Variants in HDAC10 observed in about 807,000 individuals in gnomAD.
HDAC10 encodes histone deacetylase 10.
Under a neutral mutation model 82.3 loss-of-function variants are expected in HDAC10, and 90 were observed. The observed-to-expected ratio is 1.09, with a 90% CI of 0.92 to 1.30. The LOEUF is 1.30. Ranked by LOEUF, HDAC10 falls within the 50% of genes most tolerant of loss-of-function variation. The probability of loss-of-function intolerance (pLI) is 0.00; values close to 1 mark genes in which losing one functional copy is unlikely to be tolerated. For synonymous variants in HDAC10, 456 were observed against 391.7 expected (o/e 1.16, Z -1.94); for missense variants, 934 against 876.3 (o/e 1.07, Z -0.83).
rs981097705 is a variant in HDAC10 at position 50,245,950 on chromosome 22, C to G, written c.1793G>C (p.Arg598Pro). ...PHAALLAAMLRGLAGGRVLAL... is the reference protein window; with the variant it reads ...PHAALLAAMLPGLAGGRVLAL... ...CAGGACTCGGCCCCCTGCCAGCCCCCGAAGCATTGCAGCCAGGAGTGCAGC... is the reference window on the plus strand; with the variant it reads ...CAGGACTCGGCCCCCTGCCAGCCCCGGAAGCATTGCAGCCAGGAGTGCAGC... The change falls in exon 18 of 20, where the codon CGG (arginine) becomes CCG (proline). Residue 598 changes from arginine to proline, a missense_variant. Transcript: ENST00000216271. 6.2e-7 allele frequency: 1 copy of G among 1,600,294 alleles called. No individual in the cohort carries two copies. Among genetic ancestry groups the G allele is most frequent in the Non-Finnish European group, 8.5e-7 (1 of 1,174,438 alleles).
chr22:50,247,200 G>A (rs537976124), intron 14 of HDAC10: 43 of 432,908 alleles, frequency 9.9e-5, no homozygotes, highest in Non-Finnish European at 1.6e-4. Flanking sequence ...GTGCAGTGGC[G>A]CAATTGTAGC....
In HDAC10 at chr22:50,250,475, C is replaced by T. The variant is rs2065061228; in HGVS notation, c.243G>A (p.Glu81=). ...LVRETQVLGK[E]ELQALSGQFD... ...ACTGTCCGGACAGCGCCTGCAGCTC[C>T]TCCTTGCCTAGGACCTGGGTCTCCC... Residue 81 remains glutamate, a synonymous_variant, in exon 3 of 20, where the codon GAG becomes GAA. Transcript: ENST00000216271. 6.2e-7 allele frequency: 1 copy of T among 1,612,970 alleles called. No homozygotes were observed. The highest frequency in any genetic ancestry group is 8.5e-7 in the Non-Finnish European group (1 of 1,179,980).
Position 50,249,393 on chromosome 22 carries a change from ACT to A in HDAC10, c.623_624del (p.Glu208ValfsTer29). On this transcript the variant is annotated frameshift_variant, in exon 7 of 20. Transcript: ENST00000216271. LOFTEE classifies it high-confidence loss of function. This position sits in a 1 kb window ranked among gnomAD's most constrained non-coding sequence, Gnocchi z 4.4. ...EHGRFWPFLR[E>X]SDADAVGRGQ... is the part of the protein sequence containing the mutation. ...CCCCGCCCCACTGCGTCTGCATCTG[ACT>A]CTCGCAGGAAAGGCCAGAAGCGCCC... The A allele has an allele frequency of 1.2e-6, 2 of 1,612,516 alleles. No individual in the cohort carries two copies. The highest frequency in any genetic ancestry group is 1.7e-6 in the Non-Finnish European group (2 of 1,179,912).
At position 50,249,715 on chromosome 22, in the gene HDAC10, C is replaced by T; in HGVS notation, c.495-12G>A. 1 of 1,612,742 alleles carries T rather than the reference C, an allele frequency of 6.2e-7. No homozygotes were observed. Among genetic ancestry groups the T allele is most frequent in the Non-Finnish European group, 8.5e-7 (1 of 1,179,928 alleles). On this transcript the variant is annotated splice_polypyrimidine_tract_variant and intron_variant, in intron 5 of 19. Coordinates refer to ENST00000216271, the MANE Select transcript of HDAC10 (RefSeq NM_032019.6). This position sits in a 1 kb window ranked among gnomAD's most constrained non-coding sequence, Gnocchi z 4.4. ...CCACGACGAGGATCCTGGGTACAGA[C>T]AGCGCTGGTGGCAAAGGGGCAGGGC...
chr22:50,251,132 C>T lies in HDAC10; in HGVS notation c.-100G>A, dbSNP rs2065082346. 1 of 1,324,508 alleles carries T rather than the reference C, an allele frequency of 7.5e-7. No individual in the cohort carries two copies. The highest frequency in any genetic ancestry group is 1.0e-6 in the Non-Finnish European group (1 of 957,326). The allele number at this position is 1,324,508 out of a possible 1,614,324, so 82.0% of individuals were successfully genotyped here. On this transcript the variant is annotated 5_prime_UTR_variant, in exon 1 of 20. Transcript: ENST00000216271. ...GCCGGGAGCAGCCGGAGGCCTGGGA[C>T]CTGCCTGGGGCGCAGGCGGGCGGCG... is the stretch of plus-strand genomic sequence containing the variant.
At position 50,245,375 on chromosome 22, in the gene HDAC10, G is replaced by A; in HGVS notation, c.*132C>T. On this transcript the variant is annotated 3_prime_UTR_variant, in exon 20 of 20. Coordinates refer to ENST00000216271, the MANE Select transcript of HDAC10 (RefSeq NM_032019.6). ...GCACGGGTGGGAGAGGGCGGGGCGCGGGGATTGGGAGTGGGCGGGGTTCCG... is the reference window on the plus strand; with the variant it reads ...GCACGGGTGGGAGAGGGCGGGGCGCAGGGATTGGGAGTGGGCGGGGTTCCG... The A allele has an allele frequency of 3.0e-6, 2 of 677,386 alleles. No individual in the cohort carries two copies. Among genetic ancestry groups the A allele is most frequent in the Non-Finnish European group, 5.4e-6 (2 of 369,506 alleles). The allele number at this position is 677,386 out of a possible 1,614,324, so 42.0% of individuals were successfully genotyped here. A position where few individuals can be genotyped will look rare whatever the true frequency, so the allele number is the denominator to read the frequency against.
chr22:50,250,727 C>T (rs772005321), intron 2 of HDAC10, 44 bp downstream of exon 2: 1 of 1,514,694 alleles, frequency 6.6e-7, no homozygotes, highest in Non-Finnish European at 8.9e-7. Flanking sequence ...TCTAGCTGGG[C>T]TGCCCGCCCC....
rs201027749 is a variant in HDAC10 at position 50,245,960 on chromosome 22, C to T, written c.1783G>A (p.Ala595Thr). 283 of 1,605,326 alleles carry T rather than the reference C, an allele frequency of 1.8e-4. No individual in the cohort carries two copies. The highest frequency in any genetic ancestry group is 3.3e-4 in the Middle Eastern group (2 of 6,068). The change falls in exon 18 of 20, where the codon GCA becomes ACA. Residue 595 changes from alanine to threonine, a missense_variant. Physicochemically the swap from Ala to Thr is moderately conservative, Grantham distance 58. Transcript: ENST00000216271. Reference sequence around the variant, plus strand: ...CCCCCTGCCAGCCCCCGAAGCATTGCAGCCAGGAGTGCAGCGTGGGGGCCC... The same window carrying T: ...CCCCCTGCCAGCCCCCGAAGCATTGTAGCCAGGAGTGCAGCGTGGGGGCCC... ...LQGPHAALLA[A>T]MLRGLAGGRV...
In HDAC10 at chr22:50,249,759, C is replaced by T. The variant is rs377702880; in HGVS notation, c.495-56G>A. ...GCAGGGCCTCCCACCTCCAGGAGCC[C>T]GGCCAGGGATGGGAAGGTGCTGGCT... is the stretch of plus-strand genomic sequence containing the variant. On this transcript the variant is annotated intron_variant, in intron 5 of 19. Transcript: ENST00000216271. This position sits in a 1 kb window ranked among gnomAD's most constrained non-coding sequence, Gnocchi z 4.4. 3.3e-5 allele frequency: 53 copies of T among 1,608,588 alleles called. No individual in the cohort carries two copies. Among genetic ancestry groups the T allele is most frequent in the African/African-American group, 1.6e-4 (12 of 74,802 alleles).
In HDAC10 at chr22:50,248,729, T is replaced by C. The variant is rs567046837; in HGVS notation, c.839A>G (p.Glu280Gly). Residue 280 changes from glutamate (E) to glycine (G), a missense_variant, in exon 10 of 20, where the codon GAG becomes GGG. Transcript: ENST00000216271. This position sits in a 1 kb window ranked among gnomAD's most constrained non-coding sequence, Gnocchi z 5.4. ...CAGCTGTGTGAGGTGGGCGAAGCAC[T>C]CTGGCGTGGCCTGCATTTGCCCCTG... Reference protein sequence around the residue: ...DPEGQMQATPECFAHLTQLLQ... With the variant: ...DPEGQMQATPGCFAHLTQLLQ... 4.4e-6 allele frequency: 7 copies of C among 1,573,624 alleles called. No individual in the cohort carries two copies. The highest frequency in any genetic ancestry group is 6.0e-6 in the Non-Finnish European group (7 of 1,159,078).
rs201400976 is a variant in HDAC10 at position 50,250,176 on chromosome 22, C to T, written c.292-16G>A. On this transcript the variant is annotated splice_polypyrimidine_tract_variant and intron_variant, in intron 3 of 19. Coordinates refer to ENST00000216271, the MANE Select transcript of HDAC10 (RefSeq NM_032019.6). ...GAAAGGTACTCTGTGGGCGCAGGGG[C>T]GCAGATGAGCCCCCTGCCTTCCCTG... is the stretch of plus-strand genomic sequence containing the variant. 3.0e-5 allele frequency: 48 copies of T among 1,604,056 alleles called. 1 individual carries two copies. Among genetic ancestry groups the T allele is most frequent in the Middle Eastern group, 1.7e-4 (1 of 6,018 alleles).
rs986223988 is a variant in HDAC10, at chr22:50,245,419, G to GC, written c.*87dup. ...GGTTCCGTGCCCCAGAGTCGAGGGAGCCGTGGGCTTGGGGTCCGGATCGCG... is the reference window on the plus strand; with the variant it reads ...GGTTCCGTGCCCCAGAGTCGAGGGAGCCCGTGGGCTTGGGGTCCGGATCGCG... On this transcript the variant is annotated 3_prime_UTR_variant, in exon 20 of 20. Coordinates refer to ENST00000216271, the MANE Select transcript of HDAC10 (RefSeq NM_032019.6). 1 of 715,400 alleles carries GC rather than the reference G, an allele frequency of 1.4e-6. No individual in the cohort carries two copies. The highest frequency in any genetic ancestry group is 1.7e-5 in the African/African-American group (1 of 57,422). The allele number at this position is 715,400 out of a possible 1,614,324, so 44.3% of individuals were successfully genotyped here.
In HDAC10 at chr22:50,248,288, G is replaced by A. The variant is rs765754391; in HGVS notation, c.1018C>T (p.Leu340=). ...GCACGGGCACTCTGGATGGACTCTA[G>A]GGCACTGTGAGGGAGACACAACAGT... ...SGPMAPCQSA[L]ESIQSARAAQ... Residue 340 remains leucine (L), a synonymous_variant, in exon 12 of 20, where the codon CTA becomes TTA. Transcript: ENST00000216271. The surrounding 1 kb of genome is among the most constrained non-coding windows in gnomAD (Gnocchi z 5.4). 2 of 1,612,480 alleles carry A rather than the reference G, an allele frequency of 1.2e-6. No individual in the cohort carries two copies. The highest frequency in any genetic ancestry group is 1.7e-6 in the Non-Finnish European group (2 of 1,179,906).
chr22:50,246,985 G>A lies in HDAC10; in HGVS notation c.1423-19C>T, dbSNP rs775331758. On this transcript the variant is annotated intron_variant, in intron 14 of 19. Coordinates refer to ENST00000216271, the MANE Select transcript of HDAC10 (RefSeq NM_032019.6). ...TGTTCACCTGTGGGATGAATAAACAGTGGAGAATGAGGCACCAACCAACTC... is the reference window on the plus strand; with the variant it reads ...TGTTCACCTGTGGGATGAATAAACAATGGAGAATGAGGCACCAACCAACTC... 8 of 1,545,308 alleles carry A rather than the reference G, an allele frequency of 5.2e-6. No homozygotes were observed. The Middle Eastern group carries it at 1.2e-3, about 232-fold the overall frequency.
rs765763378 is a variant in HDAC10 at position 50,248,880 on chromosome 22, T to C, written c.767A>G (p.Glu256Gly). 5.0e-6 allele frequency: 8 copies of C among 1,611,408 alleles called. No individual in the cohort carries two copies. In the Admixed American group the frequency reaches 1.2e-4, roughly 24 times the overall value. The part of the protein sequence containing the change: ...LLPLAFEFDP[E>G]LVLVSAGFDS... ...AAATCCTGCCGAGACCAGCACCAGCTCAGGGTCAAACTACAGGCCAGGCCG... is the reference window on the plus strand; with the variant it reads ...AAATCCTGCCGAGACCAGCACCAGCCCAGGGTCAAACTACAGGCCAGGCCG... Residue 256 changes from glutamate to glycine, a missense_variant, in exon 9 of 20, where the codon GAG (glutamate) becomes GGG (glycine). Physicochemically the swap from Glu to Gly is moderately conservative, Grantham distance 98. Transcript: ENST00000216271. The surrounding 1 kb of genome is among the most constrained non-coding windows in gnomAD (Gnocchi z 5.4).
rs1204234622 is a variant in HDAC10, at chr22:50,245,908, A to T, written c.1833+2T>A. ...GCAGCACCTCCACCCTGCCCAGCTT[A>T]CCTCCTCCAGGAGGGCCAGGACTCG... On this transcript the variant is annotated splice_donor_variant, in intron 18 of 19. Transcript: ENST00000216271. LOFTEE classifies it high-confidence loss of function. 1.9e-6 allele frequency: 3 copies of T among 1,570,890 alleles called. No homozygotes were observed. Among genetic ancestry groups the T allele is most frequent in the Non-Finnish European group, 2.6e-6 (3 of 1,158,630 alleles).
At position 50,249,265 on chromosome 22, in the gene HDAC10, G is replaced by A; in HGVS notation, c.690+63C>T. The A allele has an allele frequency of 2.1e-6, 3 of 1,458,738 alleles. No individual in the cohort carries two copies. The highest frequency in any genetic ancestry group is 2.8e-6 in the Non-Finnish European group (3 of 1,077,834). The allele number at this position is 1,458,738 out of a possible 1,614,324, so 90.4% of individuals were successfully genotyped here. A position where few individuals can be genotyped will look rare whatever the true frequency, so the allele number is the denominator to read the frequency against. On this transcript the variant is annotated intron_variant, in intron 7 of 19. Coordinates refer to ENST00000216271, the MANE Select transcript of HDAC10 (RefSeq NM_032019.6). This position sits in a 1 kb window ranked among gnomAD's most constrained non-coding sequence, Gnocchi z 4.4. ...GACCTGGGGCTTGAGGGTGAACTGT[G>A]GGGGAGGGGAGGGGCCCAGGGGGAG...
At position 50,248,525 on chromosome 22, in the gene HDAC10, G is replaced by A; in HGVS notation, c.907-53C>T. 1.3e-6 allele frequency: 2 copies of A among 1,542,172 alleles called. No individual in the cohort carries two copies. Among genetic ancestry groups the A allele is most frequent in the Non-Finnish European group, 1.8e-6 (2 of 1,139,666 alleles). ...GGCAGAGATATCACTGGGATGGGAT[G>A]TCACCGGGAGAGCCCCTGCCTGGCT... On this transcript the variant is annotated intron_variant, in intron 10 of 19. Coordinates refer to ENST00000216271, the MANE Select transcript of HDAC10 (RefSeq NM_032019.6). This position sits in a 1 kb window ranked among gnomAD's most constrained non-coding sequence, Gnocchi z 5.4.
At position 50,245,430 on chromosome 22, in the gene HDAC10, G is replaced by A. The variant is rs1470054948; in HGVS notation, c.*77C>T. The A allele has an allele frequency of 2.8e-6, 2 of 722,996 alleles. No individual in the cohort carries two copies. Among genetic ancestry groups the A allele is most frequent in the East Asian group, 2.6e-5 (1 of 38,156 alleles). The allele number at this position is 722,996 out of a possible 1,614,324, so 44.8% of individuals were successfully genotyped here. On this transcript the variant is annotated 3_prime_UTR_variant, in exon 20 of 20. Transcript: ENST00000216271. The stretch of plus-strand genomic sequence containing the variant: ...CCAGAGTCGAGGGAGCCGTGGGCTT[G>A]GGGTCCGGATCGCGGCCGCGGGGCG...
Sources: allele counts gnomAD v4.1 joint callset, GRCh38; gene constraint gnomAD v4.1.1; non-coding constraint Gnocchi (gnomAD v3.1); transcripts MANE v1.5; gene names NCBI Gene and HGNC (gene_info 2026-07-23, HGNC 2026-07-21).